ASTN1: variants seen among roughly 807,000 people sequenced by gnomAD.
ASTN1 encodes astrotactin 1.
ASTN1 carries 41 observed loss-of-function variants against 140.7 expected under a neutral mutation model. That is an observed-to-expected ratio of 0.29 (90% CI 0.23 to 0.38). The LOEUF is 0.38. Ranked by LOEUF, ASTN1 falls within the 10% of genes least tolerant of loss-of-function variation. The probability of loss-of-function intolerance (pLI) is 1.00; values close to 1 mark genes in which losing one functional copy is unlikely to be tolerated. For missense variants in ASTN1, 1,479 were observed against 1,678.8 expected, an observed-to-expected ratio of 0.88 and a Z score of 2.08; for synonymous variants, 640 against 652.2, an observed-to-expected ratio of 0.98 and a Z score of 0.29.
chr1:177,084,837 C>A (rs1475151077), intron 1 of ASTN1, among the ~76,000 whole-genome samples: 1 of 152,020 alleles, frequency 6.6e-6, no homozygotes, highest in Non-Finnish European at 1.5e-5. Flanking sequence ...ATTGTCCAAC[C>A]CTTAAAACAT....
chr1:176,857,677 T>C (rs1196106910), downstream of ASTN1: 2 of 572,140 alleles, frequency 3.5e-6, no homozygotes, highest in Non-Finnish European at 6.3e-6. Context: ...GTGGGAAAAG[T>C]TTCAATAGTT....
intron 1 of ASTN1, among the ~76,000 whole-genome samples, chr1:177,143,630 A>T (rs960226041): frequency 1.3e-5 from 2 of 152,218 alleles, no homozygotes; most frequent in African/African-American, 4.8e-5. Flanking sequence ...TCAATATGCC[A>T]CTTGAAATGA....
At chr1:176,952,297 A>T (rs898235694) in intron 11 of ASTN1, among the ~76,000 whole-genome samples, 1 of 151,982 alleles carries the variant, frequency 6.6e-6, no homozygotes, top group East Asian at 1.9e-4. Context: ...ACACACGCAC[A>T]TGCATGCATA....
intron 14 of ASTN1, among the ~76,000 whole-genome samples, chr1:176,936,655 C>T (rs1671461249): frequency 6.6e-6 from 1 of 152,152 alleles, no homozygotes; most frequent in African/African-American, 2.4e-5. Context: ...AAAATCGAGG[C>T]TCTAAGGCTG....
At chr1:176,931,462 G>A (rs1252224372) in intron 16 of ASTN1, among the ~76,000 whole-genome samples, 1 of 152,074 alleles carries the variant, frequency 6.6e-6, no homozygotes, top group African/African-American at 2.4e-5. Flanking sequence ...GCAAAACTCT[G>A]TCTTTGAAAA....
intron 8 of ASTN1, among the ~76,000 whole-genome samples, chr1:177,012,944 C>T (rs1675365777): frequency 6.6e-6 from 1 of 152,232 alleles, no homozygotes; most frequent in African/African-American, 2.4e-5. Flanking sequence ...GAACCACAGT[C>T]CACCGCAATT....
chr1:176,876,822 G>T (rs532124613), intron 20 of ASTN1, among the ~76,000 whole-genome samples, 185 bp from the exon 21 acceptor site: 2 of 152,324 alleles, frequency 1.3e-5, no homozygotes, highest in Admixed American at 1.3e-4. Context: ...GCCTCTCACT[G>T]CTTCCTAGTG....
chr1:176,865,654 T>C (rs975330542), intron 22 of ASTN1, among the ~76,000 whole-genome samples: 11 of 152,264 alleles, frequency 7.2e-5, no homozygotes, highest in Non-Finnish European at 1.3e-4. Flanking sequence ...CAGCATTTAT[T>C]GACTGCTAGT....
intron 7 of ASTN1, among the ~76,000 whole-genome samples, chr1:177,022,639 C>G (rs1675889447): frequency 6.6e-6 from 1 of 152,096 alleles, no homozygotes; most frequent in Admixed American, 6.5e-5. Flanking sequence ...ACTCTTTGAC[C>G]CAGTACTCTC....
chr1:176,953,736 G>T (rs572640095), intron 11 of ASTN1, among the ~76,000 whole-genome samples: 12 of 152,236 alleles, frequency 7.9e-5, no homozygotes, highest in African/African-American at 2.9e-4. Context: ...AGGGTCACTG[G>T]GTAATTCAAA....
intron 1 of ASTN1, among the ~76,000 whole-genome samples, chr1:177,147,791 T>C (rs1201852849): frequency 6.6e-6 from 1 of 151,984 alleles, no homozygotes; most frequent in African/African-American, 2.4e-5. Context: ...CAAGGAAGAG[T>C]AGGCCTAAGT....
Position 177,143,554 on chromosome 1 carries a change from C to T in ASTN1, c.283+20840G>A, listed in dbSNP as rs139235511. Among the ~76,000 whole-genome samples the T allele has an allele frequency of 4.7e-4, 71 of 152,308 alleles. 1 individual carries two copies. The East Asian group carries it at 0.011, about 24-fold the overall frequency. On this transcript the variant is annotated intron_variant, in intron 1 of 22. Transcript: ENST00000361833. The stretch of plus-strand genomic sequence containing the variant: ...AAGTTCTTAAAATTCCTAAATCACA[C>T]ATTTATGTTGACAGAGATTCCGAAA...
chr1:177,036,284 T>A (rs956420417), intron 2 of ASTN1, among the ~76,000 whole-genome samples: 7 of 151,900 alleles, frequency 4.6e-5, no homozygotes, highest in Admixed American at 3.9e-4. Flanking sequence ...TGACCTCAGG[T>A]GATCCACCCG....
intron 1 of ASTN1, among the ~76,000 whole-genome samples, chr1:177,114,133 C>T (rs1680960703): frequency 1.3e-5 from 2 of 152,144 alleles, no homozygotes; most frequent in South Asian, 4.1e-4. Context: ...AGTCAGCTGC[C>T]TGGGTTGCTT....
chr1:176,942,174 C>A (rs1420665227), intron 14 of ASTN1, among the ~76,000 whole-genome samples: 1 of 152,148 alleles, frequency 6.6e-6, no homozygotes, highest in Non-Finnish European at 1.5e-5. Context: ...ATAGATCCCA[C>A]TATGGGTCAG....
rs902997057 is a variant in ASTN1, at chr1:176,947,614, C to A, written c.2055-1494G>T. On this transcript the variant is annotated intron_variant, in intron 12 of 22. Coordinates refer to ENST00000361833, the MANE Select transcript of ASTN1 (RefSeq NM_004319.3). ...AAGATTCCCAGAGGATTCCATGACA[C>A]CAGCTTAGGTCTGGGACAAGATAGT... Among the ~76,000 whole-genome samples, 33 of 152,322 alleles carry A rather than the reference C, an allele frequency of 2.2e-4. 1 individual carries two copies. The highest frequency in any genetic ancestry group is 1.8e-3 in the Admixed American group (28 of 15,306).
At chr1:177,112,520 A>G (rs1680871289) in intron 1 of ASTN1, among the ~76,000 whole-genome samples, 1 of 152,212 alleles carries the variant, frequency 6.6e-6, no homozygotes, top group South Asian at 2.1e-4. Flanking sequence ...TCAAAGGCAG[A>G]TATGGGTAAT....
At chr1:177,144,061 A>C (rs746001294) in intron 1 of ASTN1, among the ~76,000 whole-genome samples, 4 of 152,092 alleles carry the variant, frequency 2.6e-5, no homozygotes, top group Admixed American at 6.5e-5. Context: ...GTTAGCTAGA[A>C]CTTTATCAAA....
intron 1 of ASTN1, among the ~76,000 whole-genome samples, chr1:177,098,558 G>A (rs1680152071): frequency 6.6e-6 from 1 of 152,058 alleles, no homozygotes; most frequent in South Asian, 2.1e-4. Context: ...AATTAGCATT[G>A]GATGTGTGGT....
Sources: allele counts gnomAD v4.1 joint callset (sites outside exome capture counted in the v4.1 genomes callset), GRCh38; gene constraint gnomAD v4.1.1; transcripts MANE v1.5; gene names NCBI Gene and HGNC (gene_info 2026-07-23, HGNC 2026-07-21).